SLC44A5: variants seen among roughly 807,000 people sequenced by gnomAD.
SLC44A5 encodes solute carrier family 44 member 5.
Under a neutral mutation model 101.8 loss-of-function variants are expected in SLC44A5, and 57 were observed. The ratio of observed to expected loss-of-function variants is 0.56; its 90% CI spans 0.45 to 0.70. The LOEUF (loss-of-function observed/expected upper bound fraction) is 0.70. Among genes scored for constraint, SLC44A5 ranks in the 30% least tolerant of loss-of-function variants. SLC44A5 has a pLI of 0.00. For missense variants in SLC44A5, 737 were observed against 853.1 expected, an observed-to-expected ratio of 0.86 and a Z score of 1.70; for synonymous variants, 281 against 290.9, an observed-to-expected ratio of 0.97 and a Z score of 0.35.
At chr1:75,437,350 ATAT>A in intron 2 of SLC44A5, among the ~76,000 whole-genome samples, 1 of 152,214 alleles carries the variant, frequency 6.6e-6, no homozygotes, top group Non-Finnish European at 1.5e-5. Context: ...TTCTTTTGTA[ATAT>A]TATGGGACTA....
the SLC44A5 span, among the ~76,000 whole-genome samples, chr1:75,666,000 G>A: frequency 1.6e-4 from 25 of 152,228 alleles, no homozygotes; most frequent in African/African-American, 5.8e-4. Flanking sequence ...GAAAAAAAGG[G>A]AATGCTTATA....
At chr1:75,504,518 A>G (rs760815046) in intron 2 of SLC44A5, among the ~76,000 whole-genome samples, 24 of 152,282 alleles carry the variant, frequency 1.6e-4, no homozygotes, top group Non-Finnish European at 2.8e-4. Context: ...TTATACCTCA[A>G]TCACTATGCT....
chr1:75,657,200 T>C, the SLC44A5 span, among the ~76,000 whole-genome samples: 1 of 151,818 alleles, frequency 6.6e-6, no homozygotes, highest in South Asian at 2.1e-4. Context: ...TAGAAAAAGA[T>C]CCAACTATAT....
intron 1 of SLC44A5, among the ~76,000 whole-genome samples, chr1:75,590,433 C>A (rs1026043198): frequency 6.6e-6 from 1 of 152,146 alleles, no homozygotes; most frequent in East Asian, 1.9e-4. Flanking sequence ...CCTTGGTAAG[C>A]CTCTGAGACT....
At chr1:75,302,670 A>C (rs766461616) in intron 4 of SLC44A5, among the ~76,000 whole-genome samples, 1 of 152,208 alleles carries the variant, frequency 6.6e-6, no homozygotes, top group Non-Finnish European at 1.5e-5. Context: ...CTAATAATAA[A>C]ATAGAAAAAT....
chr1:75,559,215 A>G (rs1244071747), intron 1 of SLC44A5, among the ~76,000 whole-genome samples: 1 of 152,062 alleles, frequency 6.6e-6, no homozygotes, highest in Non-Finnish European at 1.5e-5. Context: ...ATAGGTACTC[A>G]GTGTCTGGCT....
chr1:75,682,013 A>C, the SLC44A5 span, among the ~76,000 whole-genome samples: 1 of 152,194 alleles, frequency 6.6e-6, no homozygotes, highest in South Asian at 2.1e-4. Flanking sequence ...AATTGCTTCA[A>C]AGAGAATAAA....
chr1:75,704,100 A>G, the SLC44A5 span, among the ~76,000 whole-genome samples: 1 of 152,170 alleles, frequency 6.6e-6, no homozygotes, highest in Non-Finnish European at 1.5e-5. Context: ...AATGTGTTAC[A>G]CCTGCATATA....
chr1:75,244,887 G>A (rs1458213637), intron 7 of SLC44A5, among the ~76,000 whole-genome samples: 1 of 152,020 alleles, frequency 6.6e-6, no homozygotes. Context: ...TCCTTCTTCT[G>A]AAATCTTTCT....
the SLC44A5 span, chr1:75,720,313 A>C: frequency 3.3e-5 from 5 of 152,320 alleles, no homozygotes; most frequent in East Asian, 9.6e-4. Flanking sequence ...CAGCTTCCTT[A>C]GACTTTGGAG....
At chr1:75,356,396 T>C (rs899884418) in intron 3 of SLC44A5, among the ~76,000 whole-genome samples, 2 of 151,858 alleles carry the variant, frequency 1.3e-5, no homozygotes, top group Non-Finnish European at 2.9e-5. Context: ...TTTGTGTCTC[T>C]GTTTTTAACA....
At chr1:75,647,486 C>G in the SLC44A5 span, among the ~76,000 whole-genome samples, 1 of 152,166 alleles carries the variant, frequency 6.6e-6, no homozygotes, top group African/African-American at 2.4e-5. Flanking sequence ...AAGGCCACCA[C>G]CCTCCAGACC....
chr1:75,680,096 A>C, the SLC44A5 span, among the ~76,000 whole-genome samples: 74 of 152,348 alleles, frequency 4.9e-4, no homozygotes, highest in Middle Eastern at 6.8e-3. Flanking sequence ...ATACAGGAGC[A>C]CCCAGATTCA....
At chr1:75,564,623 A>T (rs1376891895) in intron 1 of SLC44A5, among the ~76,000 whole-genome samples, 1 of 148,800 alleles carries the variant, frequency 6.7e-6, no homozygotes, top group Non-Finnish European at 1.5e-5. Flanking sequence ...TTATTTATTT[A>T]TTTATTTATT....
At chr1:75,416,140 C>T (rs1157607713) in intron 2 of SLC44A5, among the ~76,000 whole-genome samples, 1 of 152,202 alleles carries the variant, frequency 6.6e-6, no homozygotes. Flanking sequence ...GGCAGCCCCT[C>T]TTATCACAGG....
In SLC44A5 at chr1:75,227,815, C is replaced by G. The variant is rs778747660; in HGVS notation, c.896G>C (p.Arg299Pro). The G allele has an allele frequency of 6.3e-7, 1 of 1,599,374 alleles. No individual in the cohort carries two copies. Among genetic ancestry groups the G allele is most frequent in the African/African-American group, 1.4e-5 (1 of 73,876 alleles). The change falls in exon 13 of 24, where the codon CGC becomes CCC. Residue 299 changes from arginine to proline, a missense_variant. By Grantham distance (103) the Arg-to-Pro change is moderately radical (BLOSUM62 -2). This residue lies in a region of SLC44A5 where 665 missense variants were observed against 764.4 expected (regional missense o/e 0.87). Coordinates refer to ENST00000370859, the MANE Select transcript of SLC44A5 (RefSeq NM_001130058.2). The stretch of plus-strand genomic sequence containing the variant: ...ATAGATAGTTAATACAGAACTTGGG[C>G]GTTCCTGAAGATTGGTGTACTGCTG... ...CYQQYTNLQERPSSVLTIYDI... is the reference protein window; with the variant it reads ...CYQQYTNLQEPPSSVLTIYDI...
chr1:75,705,252 C>G, the SLC44A5 span, among the ~76,000 whole-genome samples: 1 of 152,188 alleles, frequency 6.6e-6, no homozygotes, highest in Non-Finnish European at 1.5e-5. Context: ...CAACACACAA[C>G]ACCTTTTTCT....
chr1:75,256,053 G>A (rs1649993256), intron 6 of SLC44A5, among the ~76,000 whole-genome samples: 1 of 152,102 alleles, frequency 6.6e-6, no homozygotes, highest in Non-Finnish European at 1.5e-5. Flanking sequence ...AACAGAAAGA[G>A]AGGCAGCCTT....
the SLC44A5 span, among the ~76,000 whole-genome samples, chr1:75,648,123 A>G: frequency 6.6e-6 from 1 of 152,168 alleles, no homozygotes; most frequent in East Asian, 1.9e-4. Context: ...CAATTAGATC[A>G]TGGGAACAAT....
Sources: allele counts gnomAD v4.1 joint callset (sites outside exome capture counted in the v4.1 genomes callset), GRCh38; gene constraint gnomAD v4.1.1; regional missense constraint gnomAD v4.1.1; transcripts MANE v1.5; gene names NCBI Gene and HGNC (gene_info 2026-07-23, HGNC 2026-07-21).